NHSL1: variants seen among roughly 807,000 people sequenced by gnomAD.
The protein encoded by NHSL1 is NHS-like protein 1.
A neutral mutation model predicts 95.0 loss-of-function variants in NHSL1; 48 were observed. That is an observed-to-expected ratio of 0.51 (90% CI 0.40 to 0.64). NHSL1 has a LOEUF of 0.64. Among genes scored for constraint, NHSL1 ranks in the 30% least tolerant of loss-of-function variants. The pLI, the probability that NHSL1 is intolerant of heterozygous loss-of-function variation, is 0.00. For synonymous variants in NHSL1, 783 were observed against 833.9 expected (o/e 0.94, Z 1.05); for missense variants, 1,971 against 2,077.7 (o/e 0.95, Z 1.00).
At position 138,430,642 on chromosome 6, in the gene NHSL1, C is replaced by G; in HGVS notation, c.3703G>C (p.Glu1235Gln). ...GCCTCCCTGCTGTGCACAGAGCCCT[C>G]CTCTCCCGTCGTGGGGCTGGGCACA... ...RAVPSPTTGE[E>Q]GSVHSREAKE... The change falls in exon 6 of 8, where the codon GAG becomes CAG. Residue 1235 changes from glutamate to glutamine, a missense_variant. Transcript: ENST00000343505. The surrounding 1 kb of genome is among the most constrained non-coding windows in gnomAD (Gnocchi z 4.7). 1 of 1,551,630 alleles carries G rather than the reference C, an allele frequency of 6.4e-7. No homozygotes were observed. The highest frequency in any genetic ancestry group is 8.7e-7 in the Non-Finnish European group (1 of 1,147,016).
intron 5 of NHSL1, among the ~76,000 whole-genome samples, chr6:138,434,410 T>TAAA (rs373971787): frequency 1.7e-3 from 234 of 138,568 alleles, no homozygotes; most frequent in African/African-American, 6.0e-3. Context: ...AATAGTATGT[T>TAAA]AAAAAAAAAA....
intron 1 of NHSL1, among the ~76,000 whole-genome samples, chr6:138,663,881 A>C (rs1785261923): frequency 6.6e-6 from 1 of 152,160 alleles, no homozygotes; most frequent in Admixed American, 6.5e-5. Context: ...AAAGAAAAAA[A>C]ATCATTCTAG....
At chr6:138,671,465 A>G (rs1785369970) in intron 1 of NHSL1, among the ~76,000 whole-genome samples, 2 of 150,450 alleles carry the variant, frequency 1.3e-5, no homozygotes, top group South Asian at 2.1e-4. Flanking sequence ...AAAAAAAAAA[A>G]GATATCAGAG....
chr6:138,628,099 A>G (rs1784767396), intron 1 of NHSL1, among the ~76,000 whole-genome samples: 1 of 151,560 alleles, frequency 6.6e-6, no homozygotes, highest in Non-Finnish European at 1.5e-5. Context: ...GATCACCTGA[A>G]GTTGGGAGTT....
intron 1 of NHSL1, among the ~76,000 whole-genome samples, chr6:138,622,517 G>T (rs1784679555): frequency 6.6e-6 from 1 of 152,004 alleles, no homozygotes; most frequent in Admixed American, 6.6e-5. Context: ...TAACCTTTTG[G>T]TTCCCACGTG....
chr6:138,553,425 T>C (rs1394227052), intron 1 of NHSL1, among the ~76,000 whole-genome samples: 1 of 152,244 alleles, frequency 6.6e-6, no homozygotes, highest in African/African-American at 2.4e-5. Context: ...GTGGCTGGCA[T>C]GGTATTACAA....
chr6:138,508,687 C>T (rs1781079907), intron 1 of NHSL1, among the ~76,000 whole-genome samples: 1 of 152,156 alleles, frequency 6.6e-6, no homozygotes, highest in Non-Finnish European at 1.5e-5. Context: ...ATGCTTGATC[C>T]TCCGCTTACC....
At chr6:138,648,351 TG>T (rs1168034858) in intron 1 of NHSL1, among the ~76,000 whole-genome samples, 4 of 105,356 alleles carry the variant, frequency 3.8e-5, no homozygotes, top group Non-Finnish European at 7.0e-5. Flanking sequence ...TTACGGACAC[TG>T]AAAAAAAAAA....
intron 1 of NHSL1, among the ~76,000 whole-genome samples, chr6:138,637,834 A>G (rs562361446): frequency 6.6e-6 from 1 of 152,356 alleles, no homozygotes; most frequent in South Asian, 2.1e-4. Context: ...TCAAAAATCT[A>G]AAAATAGAAC....
rs570967861 is a variant in NHSL1, at chr6:138,569,266, T to A, written c.202+2444A>T. Among the ~76,000 whole-genome samples the A allele has an allele frequency of 3.0e-3, 453 of 151,396 alleles. 3 individuals are homozygous for A. Among genetic ancestry groups the A allele is most frequent in the African/African-American group, 0.01 (428 of 41,138 alleles). On this transcript the variant is annotated intron_variant, in intron 1 of 6. Transcript: ENST00000427025. ...GTATATGTGTGTGTGTGTGTGTGTG[T>A]GTGTGAGAGAGAGAGAGAGAAAGAG... is the stretch of plus-strand genomic sequence containing the variant.
Position 138,431,974 on chromosome 6 carries a change from C to T in NHSL1, c.2371G>A (p.Glu791Lys), listed in dbSNP as rs1350089993. 3.2e-6 allele frequency: 5 copies of T among 1,551,776 alleles called. No homozygotes were observed. The highest frequency in any genetic ancestry group is 3.3e-4 in the Middle Eastern group (2 of 5,990). Residue 791 changes from glutamate to lysine, a missense_variant, in exon 6 of 8, where the codon GAA (glutamate) becomes AAA (lysine). This residue lies in a region of NHSL1 where 1,602 missense variants were observed against 1,654.5 expected (regional missense o/e 0.97). Transcript: ENST00000343505. This position sits in a 1 kb window ranked among gnomAD's most constrained non-coding sequence, Gnocchi z 4.0. ...CCCCCTGCCGGGTTCCCCGGATCTT[C>T]CTGCATGCCCGTGTAGTCAATGTAA... The part of the protein sequence containing the change: ...GYYIDYTGMQ[E>K]DPGNPAGGCS...
intron 3 of NHSL1, among the ~76,000 whole-genome samples, chr6:138,458,637 G>GT (rs1328008589): frequency 2.0e-5 from 3 of 152,006 alleles, no homozygotes; most frequent in African/African-American, 4.8e-5. Context: ...GACCATCCTG[G>GT]CCACATGGTG....
intron 1 of NHSL1, among the ~76,000 whole-genome samples, chr6:138,534,674 A>G (rs778896797): frequency 1.3e-5 from 2 of 152,208 alleles, no homozygotes; most frequent in South Asian, 2.1e-4. Context: ...CAAAATTCCA[A>G]CAGAAACTCT....
rs151145178 is a variant in NHSL1 at position 138,584,381 on chromosome 6, A to G, written c.97-88010T>C. Among the ~76,000 whole-genome samples the G allele has an allele frequency of 1.1e-3, 173 of 152,332 alleles. 3 individuals carry two copies. In the East Asian group the frequency reaches 0.029, roughly 25 times the overall value. Reference sequence around the variant, plus strand: ...TCTTTTAAAACTTAAAAAATTTAAGATGACTTTATCTTTGTATGTTTTTCT... The same window carrying G: ...TCTTTTAAAACTTAAAAAATTTAAGGTGACTTTATCTTTGTATGTTTTTCT... On this transcript the variant is annotated intron_variant, in intron 1 of 3. Coordinates refer to the NHSL1 transcript ENST00000491526.
chr6:138,475,149 CAAAA>C (rs71009587), intron 2 of NHSL1, among the ~76,000 whole-genome samples: 1 of 100,662 alleles, frequency 9.9e-6, no homozygotes, highest in African/African-American at 4.5e-5. Flanking sequence ...AACTCGGTCT[CAAAA>C]AAAAAAAAAA....
rs191200003 is a variant in NHSL1 at position 138,587,459 on chromosome 6, T to C, written c.97-91088A>G. Among the ~76,000 whole-genome samples the C allele has an allele frequency of 1.8e-3, 258 of 140,960 alleles. 3 individuals carry two copies. Among genetic ancestry groups the C allele is most frequent in the East Asian group, 0.013 (64 of 4,774 alleles). The allele number at this position is 140,960 out of a possible 152,430, so 92.5% of individuals were successfully genotyped here. The stretch of plus-strand genomic sequence containing the variant: ...TTAGCCAGGTATGATGGTGGGCGCC[T>C]GCAATCCCAGCTACTCGGGAGGGCA... On this transcript the variant is annotated intron_variant, in intron 1 of 3. Transcript: ENST00000491526.
At chr6:138,676,400 C>G (rs188903088) in intron 1 of NHSL1, among the ~76,000 whole-genome samples, 2 of 151,044 alleles carry the variant, frequency 1.3e-5, no homozygotes, top group East Asian at 3.9e-4. Flanking sequence ...AAAATACACT[C>G]AGAAAAAAAA....
intron 1 of NHSL1, among the ~76,000 whole-genome samples, chr6:138,646,516 C>CT (rs1785022972): frequency 6.6e-6 from 1 of 151,756 alleles, no homozygotes; most frequent in African/African-American, 2.4e-5. Flanking sequence ...AAAAAAAATT[C>CT]TTATCAATAC....
intron 4 of NHSL1, among the ~76,000 whole-genome samples, chr6:138,442,926 T>C (rs921791598): frequency 6.6e-6 from 1 of 152,180 alleles, no homozygotes; most frequent in Non-Finnish European, 1.5e-5. Context: ...ACATCTGTTA[T>C]TGATTGATCT....
Sources: allele counts gnomAD v4.1 joint callset (sites outside exome capture counted in the v4.1 genomes callset), GRCh38; gene constraint gnomAD v4.1.1; regional missense constraint gnomAD v4.1.1; non-coding constraint Gnocchi (gnomAD v3.1); transcripts MANE v1.5; gene names NCBI Gene and HGNC (gene_info 2026-07-23, HGNC 2026-07-21).